The following FANCB variants were observed in gnomAD, a reference collection of about 807,000 sequenced individuals.
FANCB encodes Fanconi anemia group B protein.
A neutral mutation model predicts 38.9 loss-of-function variants in FANCB; 5 were observed. That is an observed-to-expected ratio of 0.13 (90% confidence interval 0.07 to 0.27). FANCB has a LOEUF of 0.27. FANCB is among the 10% of genes least tolerant of loss of function. The pLI is 1.00. For synonymous variants in FANCB, 236 were observed against 215.4 expected (o/e 1.10, Z -0.84); for missense variants, 573 against 602.7 (o/e 0.95, Z 0.52).
At chrX:14,734,570 T>C in the FANCB span, among the ~76,000 whole-genome samples, 2 of 112,296 alleles carry the variant, frequency 1.8e-5, no homozygotes, top group East Asian at 2.8e-4. Flanking sequence ...TTCTGGTTTG[T>C]AGGGTTTCTT....
At chrX:14,834,279 G>T (rs1297366041), downstream of FANCB, among the ~76,000 whole-genome samples, 1 of 111,254 alleles carries the variant, frequency 9.0e-6, no homozygotes, top group Non-Finnish European at 1.9e-5. Context: ...AACAAGAAAG[G>T]GTGGAGTTCC....
the FANCB span, among the ~76,000 whole-genome samples, chrX:14,771,787 C>T: frequency 3.6e-5 from 4 of 111,947 alleles, no homozygotes; most frequent in East Asian, 8.4e-4. Flanking sequence ...TACCTTCAAT[C>T]TTTGAGGTCA....
the FANCB span, among the ~76,000 whole-genome samples, chrX:14,749,606 A>G: frequency 1.8e-5 from 2 of 112,175 alleles, no homozygotes; most frequent in African/African-American, 6.5e-5. Flanking sequence ...ATTTATTTGA[A>G]TTACTGATTC....
At chrX:14,693,562 A>C in the FANCB span, among the ~76,000 whole-genome samples, 1 of 112,213 alleles carries the variant, frequency 8.9e-6, no homozygotes, top group Non-Finnish European at 1.9e-5. Context: ...GATAGAAAAA[A>C]AGCAGACAGA....
rs188514102 is a variant in FANCB at position 14,853,460 on chromosome X, C to A, written c.1198-293G>T. 3.6e-3 allele frequency among the ~76,000 whole-genome samples: 404 copies of A among 111,621 alleles called. 1 individual carries two copies. Among genetic ancestry groups the A allele is most frequent in the Non-Finnish European group, 6.7e-3 (353 of 53,077 alleles). ...GTTTCACTAGTGAGTTATTAAGTAA[C>A]TTCGAATCAATGTAAATAAAAATCA... On this transcript the variant is annotated intron_variant, in intron 5 of 9. Transcript: ENST00000650831.
At chrX:14,841,522 G>A (rs1443615237), downstream of FANCB, among the ~76,000 whole-genome samples, 1 of 111,925 alleles carries the variant, frequency 8.9e-6, no homozygotes, top group African/African-American at 3.2e-5. Flanking sequence ...CAATAGGAGA[G>A]TCACTTGTGT....
At chrX:14,825,339 G>A in the FANCB span, among the ~76,000 whole-genome samples, 1 of 111,583 alleles carries the variant, frequency 9.0e-6, no homozygotes, top group African/African-American at 3.3e-5. Context: ...CTTCAATTGT[G>A]TGTATGTCTC....
chrX:14,870,585 A>T (rs1023150126), intron 1 of FANCB, among the ~76,000 whole-genome samples: 2 of 112,238 alleles, frequency 1.8e-5, no homozygotes, highest in African/African-American at 3.2e-5. Flanking sequence ...AAATTAAAAC[A>T]GATGTGTGTG....
At chrX:14,802,555 G>T in the FANCB span, among the ~76,000 whole-genome samples, 139 of 111,948 alleles carry the variant, frequency 1.2e-3, no homozygotes, top group African/African-American at 3.9e-3. Flanking sequence ...CTGGGAGCAG[G>T]GGTGGTAAGC....
the FANCB span, among the ~76,000 whole-genome samples, chrX:14,714,220 G>C: frequency 9.0e-6 from 1 of 110,759 alleles, no homozygotes; most frequent in South Asian, 3.9e-4. Context: ...AGCCAAAACA[G>C]GGGTTCTCAA....
At chrX:14,855,556 T>G (rs1474813325) in intron 5 of FANCB, among the ~76,000 whole-genome samples, 2 of 112,347 alleles carry the variant, frequency 1.8e-5, no homozygotes, top group Non-Finnish European at 3.8e-5. Flanking sequence ...GGGTCACTAA[T>G]TTGCTCTGTA....
chrX:14,740,521 G>T, the FANCB span, among the ~76,000 whole-genome samples: 1 of 111,797 alleles, frequency 8.9e-6, no homozygotes, highest in Non-Finnish European at 1.9e-5. Context: ...ATACTAGGAG[G>T]TTGGCAAAAG....
the FANCB span, among the ~76,000 whole-genome samples, chrX:14,755,568 G>C: frequency 1.8e-5 from 2 of 111,293 alleles, no homozygotes; most frequent in Non-Finnish European, 3.8e-5. Flanking sequence ...ATAAAAATAA[G>C]ATACATGGGA....
the FANCB span, among the ~76,000 whole-genome samples, chrX:14,829,556 TAG>T: frequency 2.7e-5 from 3 of 111,772 alleles, no homozygotes; most frequent in South Asian, 1.1e-3. Flanking sequence ...TTTGTGACCT[TAG>T]ATCTTCCAGA....
the FANCB span, among the ~76,000 whole-genome samples, chrX:14,787,122 TG>T: frequency 9.1e-6 from 1 of 110,247 alleles, no homozygotes; most frequent in African/African-American, 3.3e-5. Flanking sequence ...CATGAAGAAG[TG>T]AGAGGGAGGA....
chrX:14,767,901 A>AT, the FANCB span, among the ~76,000 whole-genome samples: 1 of 112,107 alleles, frequency 8.9e-6, no homozygotes, highest in Admixed American at 9.4e-5. Context: ...TTTTCTGCAT[A>AT]TGGCTAGCCA....
chrX:14,743,508 T>C, the FANCB span, among the ~76,000 whole-genome samples: 1 of 110,766 alleles, frequency 9.0e-6, no homozygotes, highest in African/African-American at 3.3e-5. Flanking sequence ...AAATGCTATA[T>C]TACCCTCCCC....
At chrX:14,845,672 TA>T (rs2092373814) in intron 7 of FANCB, among the ~76,000 whole-genome samples, 1 of 111,795 alleles carries the variant, frequency 8.9e-6, no homozygotes, top group East Asian at 2.8e-4. Flanking sequence ...CTCCTCTTTT[TA>T]AACAAGAAAA....
Position 14,857,889 on chromosome X carries a change from C to T in FANCB, c.1170G>A (p.Val390=). ...FEDKQENRYL[V]VPPLETGLKV... ...TCAGTCCTGTTTCTAGAGGTGGAAC[C>T]ACCAGGTAACGATTCTCTTGTTTGT... Residue 390 remains valine, a synonymous_variant, in exon 5 of 10, where the codon GTG becomes GTA. Transcript: ENST00000650831. The T allele has an allele frequency of 8.4e-7, 1 of 1,195,533 alleles. No individual in the cohort carries two copies. Among genetic ancestry groups the T allele is most frequent in the Admixed American group, 2.2e-5 (1 of 45,902 alleles).
Sources: gnomAD v4.1 joint callset for allele counts (sites outside exome capture counted in the v4.1 genomes callset) on GRCh38, gnomAD v4.1.1 for gene constraint, MANE v1.5 for transcripts, NCBI Gene and HGNC (gene_info 2026-07-23, HGNC 2026-07-21) for gene names.